The following TIMP3 variants were observed in gnomAD, a reference collection of about 807,000 sequenced individuals.
TIMP3 encodes metalloproteinase inhibitor 3.
In TIMP3, 11 loss-of-function variants were observed where a neutral mutation model predicts 30.0. The ratio of observed to expected loss-of-function variants is 0.37; its 90% CI spans 0.23 to 0.61. The LOEUF (loss-of-function observed/expected upper bound fraction) is 0.61. Among genes scored for constraint, TIMP3 ranks in the 20% least tolerant of loss-of-function variants. The probability of loss-of-function intolerance (pLI) is 0.70; values close to 1 mark genes in which losing one functional copy is unlikely to be tolerated. For missense variants in TIMP3, 181 were observed against 276.8 expected (o/e 0.65, Z 2.45); for synonymous variants, 112 against 111.3 (o/e 1.01, Z -0.04).
chr22:32,846,704 G>A (rs2048073133), intron 1 of TIMP3, among the ~76,000 whole-genome samples: 2 of 152,200 alleles, frequency 1.3e-5, no homozygotes, highest in Admixed American at 6.5e-5. Flanking sequence ...TTAATGCAAT[G>A]CTATGTTGCT....
intron 2 of TIMP3, among the ~76,000 whole-genome samples, chr22:32,853,404 G>T (rs1298637853): frequency 6.6e-6 from 1 of 152,240 alleles, no homozygotes; most frequent in Non-Finnish European, 1.5e-5. Flanking sequence ...TGGTAGGCAT[G>T]CAAGACATAG....
At chr22:32,853,306 C>T (rs556616045) in intron 2 of TIMP3, among the ~76,000 whole-genome samples, 3 of 152,264 alleles carry the variant, frequency 2.0e-5, no homozygotes, top group South Asian at 2.1e-4. Context: ...AGATCATGGC[C>T]GTGATAGCTC....
At chr22:32,825,600 G>A (rs548234993) in intron 1 of TIMP3, among the ~76,000 whole-genome samples, 1 of 133,892 alleles carries the variant, frequency 7.5e-6, no homozygotes, top group East Asian at 2.5e-4. Context: ...AGAGGTTGCA[G>A]TGAGCCGAGA....
chr22:32,854,720 C>T (rs892828974), intron 2 of TIMP3, among the ~76,000 whole-genome samples: 3 of 152,308 alleles, frequency 2.0e-5, no homozygotes, highest in East Asian at 1.9e-4. Flanking sequence ...GCCCCCACCG[C>T]GTAATTGAAT....
Position 32,837,415 on chromosome 22 carries a change from G to A in TIMP3, c.122-12037G>A, listed in dbSNP as rs1195515406. On this transcript the variant is annotated intron_variant, in intron 1 of 4. Coordinates refer to ENST00000266085, the MANE Select transcript of TIMP3 (RefSeq NM_000362.5). This position sits in a 1 kb window ranked among gnomAD's most constrained non-coding sequence, Gnocchi z 4.1. ...CCTGAGTGGGCTTGAGCTTTTGAGA[G>A]GTCAGCATGCCCCCTTAAACTTGAT... is the stretch of plus-strand genomic sequence containing the variant. Among the ~76,000 whole-genome samples, 1 of 152,078 alleles carries A rather than the reference G, an allele frequency of 6.6e-6. No homozygotes were observed. Among genetic ancestry groups the A allele is most frequent in the Admixed American group, 6.6e-5 (1 of 15,260 alleles).
intron 1 of TIMP3, among the ~76,000 whole-genome samples, chr22:32,803,238 T>C (rs1003017161): frequency 1.3e-5 from 2 of 151,850 alleles, no homozygotes; most frequent in African/African-American, 4.8e-5. Context: ...AGGTGAAGAA[T>C]GGAGCGTGTG....
chr22:32,807,399 A>ATATTATATATTATATATT (rs130273), intron 1 of TIMP3, among the ~76,000 whole-genome samples: 1 of 118,362 alleles, frequency 8.4e-6, no homozygotes, highest in Non-Finnish European at 1.7e-5. Context: ...TATATAATAT[A>ATATTATATATTATATATT]TATATATTAT....
At chr22:32,842,712 G>A (rs2047947565) in intron 1 of TIMP3, among the ~76,000 whole-genome samples, 1 of 152,118 alleles carries the variant, frequency 6.6e-6, no homozygotes, top group South Asian at 2.1e-4. Flanking sequence ...GGGAGCCTGT[G>A]GTTTTGTGGT....
intron 4 of TIMP3, 91 bp downstream of exon 4, chr22:32,858,229 C>G (rs559657127): frequency 8.3e-6 from 13 of 1,566,276 alleles, no homozygotes; most frequent in Non-Finnish European, 1.1e-5. Context: ...GCCAGGCCCT[C>G]GGCTGGGAAG....
intron 2 of TIMP3, among the ~76,000 whole-genome samples, chr22:32,850,603 C>G (rs1417932929): frequency 1.3e-5 from 2 of 152,098 alleles, no homozygotes; most frequent in African/African-American, 4.8e-5. Context: ...GAACTAGAGT[C>G]AGGTTGGGAG....
chr22:32,849,964 T>G (rs927850308), intron 2 of TIMP3, among the ~76,000 whole-genome samples: 5 of 151,896 alleles, frequency 3.3e-5, no homozygotes, highest in African/African-American at 1.2e-4. Context: ...ACAGGTTTCA[T>G]GCAGCCACTG....
chr22:32,820,263 C>T (rs895894490), intron 1 of TIMP3, among the ~76,000 whole-genome samples: 10 of 122,032 alleles, frequency 8.2e-5, no homozygotes, highest in Non-Finnish European at 1.5e-4. Context: ...TGTGTGTGTG[C>T]GTGCGCGTGT....
intron 2 of TIMP3, among the ~76,000 whole-genome samples, chr22:32,854,599 G>C (rs996016835): frequency 1.3e-5 from 2 of 152,140 alleles, no homozygotes; most frequent in African/African-American, 2.4e-5. Flanking sequence ...TTCTTCGAAG[G>C]CCACACTCCA....
At chr22:32,802,924 C>T (rs537539220) in intron 1 of TIMP3, among the ~76,000 whole-genome samples, 3 of 152,206 alleles carry the variant, frequency 2.0e-5, no homozygotes, top group South Asian at 2.1e-4. Context: ...GGTCACATCA[C>T]GGTGACAGTT....
At chr22:32,857,011 T>C (rs1315466254) in intron 2 of TIMP3, among the ~76,000 whole-genome samples, 3 of 152,250 alleles carry the variant, frequency 2.0e-5, no homozygotes, top group African/African-American at 7.2e-5. Flanking sequence ...TCTGGATGAA[T>C]CATATTCCAT....
chr22:32,835,912 A>G (rs1229787626), intron 1 of TIMP3, among the ~76,000 whole-genome samples: 7 of 152,328 alleles, frequency 4.6e-5, no homozygotes, highest in Admixed American at 3.3e-4. Flanking sequence ...CTCCACCTCA[A>G]AGTTCTCACC....
chr22:32,829,259 G>A (rs1015977653), intron 1 of TIMP3, among the ~76,000 whole-genome samples: 2 of 152,156 alleles, frequency 1.3e-5, no homozygotes, highest in Non-Finnish European at 2.9e-5. Context: ...CCCTCCTTTC[G>A]TGATCACGCC....
At chr22:32,855,263 TG>T (rs1454074596) in intron 2 of TIMP3, among the ~76,000 whole-genome samples, 1 of 152,206 alleles carries the variant, frequency 6.6e-6, no homozygotes, top group Non-Finnish European at 1.5e-5. Context: ...GTAATACTCA[TG>T]GACTTGACCT....
At chr22:32,813,987 A>G (rs2046986878) in intron 1 of TIMP3, among the ~76,000 whole-genome samples, 1 of 152,062 alleles carries the variant, frequency 6.6e-6, no homozygotes, top group Non-Finnish European at 1.5e-5. Context: ...CTCCCCTTAG[A>G]TGGGAGCCAA....
Sources: gnomAD v4.1 joint callset for allele counts (sites outside exome capture counted in the v4.1 genomes callset) on GRCh38, gnomAD v4.1.1 for gene constraint, Gnocchi (gnomAD v3.1) non-coding constraint, MANE v1.5 for transcripts, NCBI Gene and HGNC (gene_info 2026-07-23, HGNC 2026-07-21) for gene names.